KIAA0586: variants seen among roughly 807,000 people sequenced by gnomAD.
KIAA0586 encodes protein TALPID3.
A neutral mutation model predicts 169.8 loss-of-function variants in KIAA0586; 144 were observed. That is an observed-to-expected ratio of 0.85 (90% confidence interval 0.74 to 0.97). The LOEUF is 0.97. Ranked by LOEUF, KIAA0586 falls within the 50% of genes least tolerant of loss-of-function variation. The probability of loss-of-function intolerance (pLI) is 0.00; values close to 1 mark genes in which losing one functional copy is unlikely to be tolerated. For synonymous variants in KIAA0586, 625 were observed against 612.4 expected (o/e 1.02, Z -0.30); for missense variants, 1,854 against 1,823.0 (o/e 1.02, Z -0.31).
chr14:58,507,630 A>G (rs775294643), intron 27 of KIAA0586, among the ~76,000 whole-genome samples: 6 of 151,918 alleles, frequency 3.9e-5, no homozygotes, highest in Non-Finnish European at 8.8e-5. Context: ...TTACAGAATG[A>G]TTGTAAAGTT....
chr14:58,478,563 C>T (rs1389197694), intron 20 of KIAA0586, among the ~76,000 whole-genome samples: 3 of 152,148 alleles, frequency 2.0e-5, no homozygotes, highest in African/African-American at 7.2e-5. Context: ...AACTCCTGGC[C>T]TCAAGTGATC....
chr14:58,522,019 C>T, intron 29 of KIAA0586: 2 of 1,230,442 alleles, frequency 1.6e-6, no homozygotes, highest in South Asian at 1.2e-5. Context: ...GAAATCTTAT[C>T]CCATCATTTC....
At position 58,512,573 on chromosome 14, in the gene KIAA0586, C is replaced by CA. The variant is rs751356878; in HGVS notation, c.4378dup (p.Ser1460LysfsTer6). 1.3e-6 allele frequency: 2 copies of CA among 1,545,488 alleles called. No individual in the cohort carries two copies. Among genetic ancestry groups the CA allele is most frequent in the Non-Finnish European group, 1.7e-6 (2 of 1,154,370 alleles). Reference sequence around the variant, plus strand: ...TAAGCAAGTTGAACACAAACCATCACAAAGTTACCTACGTGTTAGAAATAA... The same window carrying CA: ...TAAGCAAGTTGAACACAAACCATCACAAAAGTTACCTACGTGTTAGAAATAA... On this transcript the variant is annotated frameshift_variant, in exon 29 of 31. Transcript: ENST00000652326. LOFTEE classifies it high-confidence loss of function.
At chr14:58,523,954 G>A (rs190959077) in intron 29 of KIAA0586, among the ~76,000 whole-genome samples, 86 of 152,052 alleles carry the variant, frequency 5.7e-4, no homozygotes, top group African/African-American at 2.0e-3. Context: ...ACCTAGTAAC[G>A]ATTTACTAAA....
chr14:58,445,053 A>G (rs976972597), intron 6 of KIAA0586, among the ~76,000 whole-genome samples: 2 of 151,728 alleles, frequency 1.3e-5, no homozygotes, highest in African/African-American at 4.8e-5. Flanking sequence ...TGATAATACA[A>G]CTGCACTTCA....
At chr14:58,447,532 G>A (rs757279960) in intron 6 of KIAA0586, among the ~76,000 whole-genome samples, 13 of 151,548 alleles carry the variant, frequency 8.6e-5, no homozygotes, top group Non-Finnish European at 1.3e-4. Flanking sequence ...CCAGGCTGGA[G>A]TGTAGTGGCA....
At chr14:58,498,598 T>G (rs577922411) in intron 26 of KIAA0586, among the ~76,000 whole-genome samples, 185 bp from the exon 27 acceptor site, 1 of 152,308 alleles carries the variant, frequency 6.6e-6, no homozygotes, top group South Asian at 2.1e-4. Context: ...ACAAAGCCTA[T>G]CACGAGGCTT....
rs1365371623 is a variant in KIAA0586 at position 58,456,690 on chromosome 14, A to G, written c.1254-12A>G. On this transcript the variant is annotated splice_polypyrimidine_tract_variant and intron_variant, in intron 9 of 30. Coordinates refer to ENST00000652326, the MANE Select transcript of KIAA0586 (RefSeq NM_001329943.3). Reference sequence around the variant, plus strand: ...AAATCTTCTGTAGCGTTGAAACTCTACCTTCTCAAAGATTTCCTTCCTGTG... The same window carrying G: ...AAATCTTCTGTAGCGTTGAAACTCTGCCTTCTCAAAGATTTCCTTCCTGTG... 4.7e-6 allele frequency: 7 copies of G among 1,476,022 alleles called. No homozygotes were observed. In the Admixed American group the frequency reaches 5.7e-5, roughly 12 times the overall value. The allele number at this position is 1,476,022 out of a possible 1,614,324, so 91.4% of individuals were successfully genotyped here.
At chr14:58,442,935 A>C (rs1324107766) in intron 5 of KIAA0586, 55 bp downstream of exon 5, 3 of 1,247,216 alleles carry the variant, frequency 2.4e-6, no homozygotes, top group East Asian at 5.0e-5. Context: ...AGAAGTACTT[A>C]CTAAGAACTG....
intron 23 of KIAA0586, 35 bp from the exon 24 acceptor site, chr14:58,488,586 C>T (rs2042627240): frequency 6.2e-7 from 1 of 1,608,126 alleles, no homozygotes. Flanking sequence ...CCTTCAGTGA[C>T]CTAACAAGCT....
intron 29 of KIAA0586, among the ~76,000 whole-genome samples, chr14:58,515,185 G>T (rs970286401): frequency 1.3e-5 from 2 of 151,276 alleles, no homozygotes; most frequent in East Asian, 2.0e-4. Flanking sequence ...TGTCAAATTT[G>T]CTTGAAAAAA....
chr14:58,447,147 G>A (rs1388471140), intron 6 of KIAA0586, among the ~76,000 whole-genome samples: 1 of 152,132 alleles, frequency 6.6e-6, no homozygotes, highest in Non-Finnish European at 1.5e-5. Flanking sequence ...GGATATATTA[G>A]TTGTTCAGTA....
At position 58,442,836 on chromosome 14, in the gene KIAA0586, G is replaced by A; in HGVS notation, c.541G>A (p.Ala181Thr). The A allele has an allele frequency of 1.9e-6, 3 of 1,610,110 alleles. No individual in the cohort carries two copies. Among genetic ancestry groups the A allele is most frequent in the South Asian group, 2.2e-5 (2 of 90,226 alleles). Residue 181 changes from alanine (A) to threonine (T), a missense_variant, in exon 5 of 31, where the codon GCA (alanine) becomes ACA (threonine). Transcript: ENST00000652326. ...SGIDSATTVA[A>T]ATAAAIATAA... The stretch of plus-strand genomic sequence containing the variant: ...AATTGATTCAGCTACAACCGTGGCT[G>A]CAGCAACTGCTGCTGCCATTGCAAC...
intron 29 of KIAA0586, among the ~76,000 whole-genome samples, chr14:58,526,289 A>G (rs2045579702): frequency 6.6e-6 from 1 of 152,182 alleles, no homozygotes; most frequent in Admixed American, 6.5e-5. Flanking sequence ...AGGGGTTGAC[A>G]GACACCTCAT....
At position 58,467,860 on chromosome 14, in the gene KIAA0586, C is replaced by T. The variant is rs564913390; in HGVS notation, c.2380C>T (p.Pro794Ser). The T allele has an allele frequency of 9.9e-6, 16 of 1,613,626 alleles. No individual in the cohort carries two copies. The South Asian group carries it at 1.5e-4, about 16-fold the overall frequency. The change falls in exon 16 of 31, where the codon CCT (proline) becomes TCT (serine). Residue 794 changes from proline to serine, a missense_variant. Coordinates refer to ENST00000652326, the MANE Select transcript of KIAA0586 (RefSeq NM_001329943.3). ...SRKVETGVKK[P>S]NIAIVEMKSE... is the part of the protein sequence containing the mutation. ...AAAAGTAGAAACTGGAGTAAAGAAA[C>T]CTAACATAGCCATTGTAGAAATGAA...
rs992908710 is a variant in KIAA0586 at position 58,521,373 on chromosome 14, G to A, written c.4429+8746G>A. On this transcript the variant is annotated intron_variant, in intron 29 of 30. Coordinates refer to ENST00000652326, the MANE Select transcript of KIAA0586 (RefSeq NM_001329943.3). ...AATTGTGGGCTGCTCTGTTCATAAG[G>A]GCTTTGCCTTTGTTTAGTATGTTAA... The A allele has an allele frequency of 1.1e-4, 110 of 963,870 alleles. No individual in the cohort carries two copies. The African/African-American group carries it at 1.6e-3, about 14-fold the overall frequency. 59.7% of individuals were successfully genotyped at this position (963,870 alleles called of 1,614,324 possible). A position where few individuals can be genotyped will look rare whatever the true frequency, so the allele number is the denominator to read the frequency against.
rs377092455 is a variant in KIAA0586, at chr14:58,477,254, G to A, written c.2944+13G>A. 15 of 1,394,128 alleles carry A rather than the reference G, an allele frequency of 1.1e-5. No homozygotes were observed. Among genetic ancestry groups the A allele is most frequent in the South Asian group, 8.7e-5 (7 of 80,268 alleles). The allele number at this position is 1,394,128 out of a possible 1,614,324, so 86.4% of individuals were successfully genotyped here. A position where few individuals can be genotyped will look rare whatever the true frequency, so the allele number is the denominator to read the frequency against. On this transcript the variant is annotated intron_variant, in intron 20 of 30. Coordinates refer to ENST00000652326, the MANE Select transcript of KIAA0586 (RefSeq NM_001329943.3). ...ACTTCTGACATTGGTAAGTGAAATAGAATTTTTTTTTGTTTTTATTAAAAG... is the reference window on the plus strand; with the variant it reads ...ACTTCTGACATTGGTAAGTGAAATAAAATTTTTTTTTGTTTTTATTAAAAG...
At chr14:58,506,615 A>G (rs1233303365) in intron 27 of KIAA0586, among the ~76,000 whole-genome samples, 1 of 146,250 alleles carries the variant, frequency 6.8e-6, no homozygotes. Flanking sequence ...TGAACCCGGG[A>G]GGTGGAGGTT....
intron 29 of KIAA0586, among the ~76,000 whole-genome samples, chr14:58,537,429 A>G (rs902687457): frequency 1.1e-4 from 17 of 152,184 alleles, no homozygotes; most frequent in African/African-American, 3.9e-4. Context: ...ATTACTTGCT[A>G]TAAACAAGTG....
Sources: allele counts gnomAD v4.1 joint callset (sites outside exome capture counted in the v4.1 genomes callset), GRCh38; gene constraint gnomAD v4.1.1; transcripts MANE v1.5; gene names NCBI Gene and HGNC (gene_info 2026-07-23, HGNC 2026-07-21).